The following PHF21A variants were observed in gnomAD, a reference collection of about 807,000 sequenced individuals.
PHF21A encodes PHD finger protein 21A.
In PHF21A, 11 loss-of-function variants were observed where a neutral mutation model predicts 82.5. The observed-to-expected ratio is 0.13, with a 90% CI of 0.08 to 0.22. The LOEUF is 0.22. Ranked by LOEUF, PHF21A falls within the 10% of genes least tolerant of loss-of-function variation. The pLI is 1.00. For missense variants in PHF21A, 579 were observed against 837.8 expected (o/e 0.69, Z 3.81); for synonymous variants, 297 against 302.8 (o/e 0.98, Z 0.20).
intron 6 of PHF21A, among the ~76,000 whole-genome samples, chr11:46,070,951 T>G (rs2096650073): frequency 6.6e-6 from 1 of 152,224 alleles, no homozygotes; most frequent in Non-Finnish European, 1.5e-5. Flanking sequence ...TATATGCTAT[T>G]AATGTGATAT....
chr11:45,976,644 C>G (rs1289223348), intron 7 of PHF21A, among the ~76,000 whole-genome samples: 1 of 152,116 alleles, frequency 6.6e-6, no homozygotes, highest in Non-Finnish European at 1.5e-5. Flanking sequence ...GAGTTTGAGA[C>G]CAGCCTGGCA....
chr11:46,011,228 C>T (rs1028483884), intron 6 of PHF21A, among the ~76,000 whole-genome samples: 3 of 152,136 alleles, frequency 2.0e-5, no homozygotes, highest in Non-Finnish European at 4.4e-5. Context: ...GTGGCTCACA[C>T]CTGTAACCCC....
intron 6 of PHF21A, among the ~76,000 whole-genome samples, chr11:45,998,559 C>A (rs2094992947): frequency 6.6e-6 from 1 of 151,634 alleles, no homozygotes; most frequent in African/African-American, 2.4e-5. Flanking sequence ...GTTGCCCAGG[C>A]TGGAGTGCAA....
intron 14 of PHF21A, among the ~76,000 whole-genome samples, chr11:45,947,064 G>A (rs2091404800): frequency 6.6e-6 from 1 of 152,136 alleles, no homozygotes; most frequent in South Asian, 2.1e-4. Context: ...TCTAAAAATT[G>A]GGGCTGTTTA....
chr11:46,071,050 G>A (rs548270304), intron 6 of PHF21A, among the ~76,000 whole-genome samples: 72 of 152,112 alleles, frequency 4.7e-4, no homozygotes, highest in African/African-American at 1.2e-3. Flanking sequence ...GACTAAGTGC[G>A]GTAGATGAAT....
chr11:45,934,548 TAA>T (rs371707698), intron 18 of PHF21A: 1,470 of 212,636 alleles, frequency 6.9e-3, no homozygotes, highest in South Asian at 0.023. Flanking sequence ...AAAGGTTGTT[TAA>T]AAAAAAAAAA....
At chr11:46,018,064 A>C (rs1267108694) in intron 6 of PHF21A, among the ~76,000 whole-genome samples, 2 of 151,684 alleles carry the variant, frequency 1.3e-5, no homozygotes, top group African/African-American at 2.4e-5. Context: ...TCCCGGCTAA[A>C]ACGGTGAAAC....
At chr11:45,969,742 G>A (rs2093647201) in intron 9 of PHF21A, 73 bp downstream of exon 9, 3 of 989,692 alleles carry the variant, frequency 3.0e-6, no homozygotes, top group Non-Finnish European at 4.8e-6. Context: ...CCCATTACAG[G>A]CTACTTAGAA....
At chr11:46,058,951 TG>T (rs2096495962) in intron 6 of PHF21A, among the ~76,000 whole-genome samples, 1 of 152,136 alleles carries the variant, frequency 6.6e-6, no homozygotes, top group Admixed American at 6.5e-5. Context: ...CAAAGAAAGA[TG>T]AAGAGACACA....
chr11:45,942,563 T>G (rs2090552939), intron 15 of PHF21A, among the ~76,000 whole-genome samples: 2 of 152,204 alleles, frequency 1.3e-5, no homozygotes, highest in Admixed American at 6.5e-5. Context: ...GAAACCTGTG[T>G]CAATTATTAA....
At chr11:46,111,939 A>G (rs2097218970) in intron 1 of PHF21A, among the ~76,000 whole-genome samples, 2 of 152,246 alleles carry the variant, frequency 1.3e-5, no homozygotes. Flanking sequence ...CCAAGGTTAC[A>G]TACACTGTAA....
intron 6 of PHF21A, among the ~76,000 whole-genome samples, chr11:46,034,675 G>A (rs1341074816): frequency 1.3e-5 from 2 of 152,020 alleles, no homozygotes; most frequent in African/African-American, 4.8e-5. Flanking sequence ...TGTGCTACTC[G>A]CCTCCTTTCC....
intron 6 of PHF21A, among the ~76,000 whole-genome samples, chr11:46,003,487 A>C (rs920449919): frequency 2.6e-5 from 4 of 152,118 alleles, no homozygotes; most frequent in Non-Finnish European, 5.9e-5. Context: ...AAAACAAGAA[A>C]TTGATAGCTT....
intron 6 of PHF21A, among the ~76,000 whole-genome samples, chr11:46,050,583 G>T (rs2096344275): frequency 1.3e-5 from 2 of 152,108 alleles, no homozygotes; most frequent in Non-Finnish European, 2.9e-5. Flanking sequence ...GAATGAAGTA[G>T]GTACTTCTAT....
intron 1 of PHF21A, among the ~76,000 whole-genome samples, chr11:46,094,697 A>G (rs2096969751): frequency 6.6e-6 from 1 of 152,128 alleles, no homozygotes; most frequent in Admixed American, 6.6e-5. Context: ...CCTGGCCAAC[A>G]TGGTGAATAA....
At chr11:46,017,150 T>C (rs896725526) in intron 6 of PHF21A, among the ~76,000 whole-genome samples, 20 of 152,212 alleles carry the variant, frequency 1.3e-4, no homozygotes, top group African/African-American at 4.6e-4. Flanking sequence ...TTTGTATTTT[T>C]AGCAGAGACG....
chr11:45,937,816 C>T (rs933090203), intron 16 of PHF21A, among the ~76,000 whole-genome samples: 30 of 152,168 alleles, frequency 2.0e-4, no homozygotes, highest in Non-Finnish European at 3.4e-4. Context: ...TGGGCAATTT[C>T]CCTTAATTTC....
rs35995547 is a variant in PHF21A at position 45,935,741 on chromosome 11, TAAAAAAAAAAAAA to T, written c.1685-15_1685-3del. ...ACTTCTGTTTCTCTTCTTCTTTTGC[TAAAAAAAAAAAAA>T]AAAAAAAAAAGGAACGGTTTTTGAC... On this transcript the variant is annotated splice_region_variant and splice_polypyrimidine_tract_variant and intron_variant, in intron 17 of 18. Transcript: ENST00000676320. 42 of 523,646 alleles carry T rather than the reference TAAAAAAAAAAAAA, an allele frequency of 8.0e-5. No individual in the cohort carries two copies. Among genetic ancestry groups the T allele is most frequent in the Admixed American group, 1.5e-4 (4 of 27,242 alleles). 32.4% of individuals were successfully genotyped at this position (523,646 alleles called of 1,614,324 possible).
chr11:46,013,192 T>G (rs1303324633), intron 6 of PHF21A, among the ~76,000 whole-genome samples: 2 of 152,148 alleles, frequency 1.3e-5, no homozygotes, highest in Admixed American at 1.3e-4. Flanking sequence ...AACACAATAT[T>G]ATATACTATA....
Sources: allele counts gnomAD v4.1 joint callset (sites outside exome capture counted in the v4.1 genomes callset), GRCh38; gene constraint gnomAD v4.1.1; transcripts MANE v1.5; gene names NCBI Gene and HGNC (gene_info 2026-07-23, HGNC 2026-07-21).